C5: variants seen among roughly 807,000 people sequenced by gnomAD.
The protein encoded by C5 is C3 and PZP-like alpha-2-macroglobulin domain-containing protein 4.
C5 carries 140 observed loss-of-function variants against 218.8 expected under a neutral mutation model. The ratio of observed to expected loss-of-function variants is 0.64; its 90% CI spans 0.56 to 0.74. The LOEUF is 0.74. Ranked by LOEUF, C5 falls within the 30% of genes least tolerant of loss-of-function variation. C5 has a pLI of 0.00. For synonymous variants in C5, 614 were observed against 682.3 expected (o/e 0.90, Z 1.56); for missense variants, 1,700 against 1,969.6 (o/e 0.86, Z 2.59).
chr9:120,963,972 A>G (rs2046847541), intron 33 of C5, among the ~76,000 whole-genome samples: 1 of 152,208 alleles, frequency 6.6e-6, no homozygotes, highest in Admixed American at 6.5e-5. Context: ...GGAACACAGA[A>G]GTCATCCACA....
Position 121,050,200 on chromosome 9 carries a change from G to C in C5, c.47C>G (p.Thr16Ser), listed in dbSNP as rs1434582816. 2 of 1,613,808 alleles carry C rather than the reference G, an allele frequency of 1.2e-6. No homozygotes were observed. The highest frequency in any genetic ancestry group is 1.1e-5 in the South Asian group (1 of 91,070). The change falls in exon 1 of 41, where the codon ACC (threonine) becomes AGC (serine). Residue 16 changes from threonine (T) to serine (S), a missense_variant. Coordinates refer to ENST00000223642, the MANE Select transcript of C5 (RefSeq NM_001735.3). ...ILCFLIFLGKTWGQEQTYVIS... is the reference protein window; with the variant it reads ...ILCFLIFLGKSWGQEQTYVIS... ...TACTTACGTTTGCTCCTGTCCCCAG[G>C]TTTTCCCCAGGAAGATTAAAAAACA...
intron 30 of C5, among the ~76,000 whole-genome samples, chr9:120,973,985 A>G (rs1048331609): frequency 6.6e-6 from 1 of 151,916 alleles, no homozygotes; most frequent in African/African-American, 2.4e-5. Context: ...AAAAAAAAAA[A>G]TTATTTCTCA....
intron 4 of C5, 21 bp downstream of exon 4, chr9:121,037,860 T>C: frequency 8.8e-7 from 1 of 1,141,908 alleles, no homozygotes; most frequent in Non-Finnish European, 1.3e-6. Flanking sequence ...AAAGTATTAT[T>C]TAAATAAATA....
chr9:120,985,647 T>A (rs576105364), intron 25 of C5, among the ~76,000 whole-genome samples: 2 of 152,196 alleles, frequency 1.3e-5, no homozygotes, highest in African/African-American at 2.4e-5. Context: ...TATTTACCTA[T>A]ACTACTAGAT....
rs188142817 is a variant in C5, at chr9:120,997,330, C to T, written c.2790+217G>A. On this transcript the variant is annotated intron_variant, in intron 21 of 40. Transcript: ENST00000223642. ...GTTTTTCAGTATTTTATATTTTCTA[C>T]GAAACAAATATTGTTTTATTAAAAA... Among the ~76,000 whole-genome samples, 490 of 151,972 alleles carry T rather than the reference C, an allele frequency of 3.2e-3. 4 individuals are homozygous for T. Among genetic ancestry groups the T allele is most frequent in the Non-Finnish European group, 2.9e-3 (195 of 67,976 alleles).
intron 25 of C5, among the ~76,000 whole-genome samples, 197 bp from the exon 26 acceptor site, chr9:120,983,011 C>T (rs1353240925): frequency 6.6e-6 from 1 of 152,176 alleles, no homozygotes; most frequent in Admixed American, 6.5e-5. Flanking sequence ...GTGAACAGCA[C>T]ATCTTCTGTG....
the C5 span, among the ~76,000 whole-genome samples, chr9:121,072,133 G>A: frequency 2.0e-5 from 3 of 152,084 alleles, no homozygotes; most frequent in Non-Finnish European, 4.4e-5. Flanking sequence ...CACCAGCAGA[G>A]GTCTGTATGA....
In C5 at chr9:121,013,906, T is replaced by G; in HGVS notation, c.2224A>C (p.Ile742Leu). 5 of 1,614,170 alleles carry G rather than the reference T, an allele frequency of 3.1e-6. No individual in the cohort carries two copies. The highest frequency in any genetic ancestry group is 4.2e-6 in the Non-Finnish European group (5 of 1,180,030). ...CCCAATTGCATGTCTTTATGAGAGA[T>G]ATTAGCACGGAGCTGGCTTGCGACG... ...CVVASQLRANISHKDMQLGRL... is the reference protein window; with the variant it reads ...CVVASQLRANLSHKDMQLGRL... Residue 742 changes from isoleucine (I) to leucine (L), a missense_variant, in exon 17 of 41, where the codon ATC (isoleucine) becomes CTC (leucine). By Grantham distance (5) the Ile-to-Leu change is conservative. Transcript: ENST00000223642.
chr9:121,065,068 TAA>T, the C5 span, among the ~76,000 whole-genome samples: 2 of 68,424 alleles, frequency 2.9e-5, no homozygotes, highest in Non-Finnish European at 6.6e-5. Context: ...AGACTCCATC[TAA>T]AAAAATATAT....
intron 25 of C5, among the ~76,000 whole-genome samples, chr9:120,985,474 CACATGT>C (rs1425349034): frequency 6.6e-6 from 1 of 152,094 alleles, no homozygotes; most frequent in Non-Finnish European, 1.5e-5. Context: ...GAAACTCTCA[CACATGT>C]GCACAAAGAG....
At position 121,006,036 on chromosome 9, in the gene C5, G is replaced by C. The variant is rs376229247; in HGVS notation, c.2445C>G (p.Val815=). 6.2e-7 allele frequency: 1 copy of C among 1,613,662 alleles called. No homozygotes were observed. The highest frequency in any genetic ancestry group is 8.5e-7 in the Non-Finnish European group (1 of 1,179,766). ...AGACATCTTTGAACACCTTTGCCTT[G>C]ACAGTATCAGCAACACATATACCTT... The part of the protein sequence containing the change: ...SNTGICVADT[V]KAKVFKDVFL... The change falls in exon 20 of 41, where the codon GTC becomes GTG. Residue 815 remains valine, a synonymous_variant. Coordinates refer to ENST00000223642, the MANE Select transcript of C5 (RefSeq NM_001735.3).
chr9:120,997,176 T>A (rs964916463), intron 21 of C5, among the ~76,000 whole-genome samples: 1 of 152,066 alleles, frequency 6.6e-6, no homozygotes, highest in African/African-American at 2.4e-5. Context: ...ACACATTTTC[T>A]GAATGTATTA....
chr9:121,064,057 C>A, the C5 span, among the ~76,000 whole-genome samples: 6 of 151,720 alleles, frequency 4.0e-5, no homozygotes, highest in Non-Finnish European at 8.8e-5. Context: ...TGACCCCCAT[C>A]TCTTCCATTT....
At position 121,015,126 on chromosome 9, in the gene C5, TAA is replaced by T. The variant is rs1360631303; in HGVS notation, c.2059+71_2059+72del. 1.4e-5 allele frequency: 13 copies of T among 932,898 alleles called. No individual in the cohort carries two copies. In the East Asian group the frequency reaches 3.1e-4, roughly 22 times the overall value. The allele number at this position is 932,898 out of a possible 1,614,324, so 57.8% of individuals were successfully genotyped here. A position where few individuals can be genotyped will look rare whatever the true frequency, so the allele number is the denominator to read the frequency against. On this transcript the variant is annotated intron_variant, in intron 16 of 40. Transcript: ENST00000223642. Reference sequence around the variant, plus strand: ...TTTATTTCAATTAGGGGAATTTATATAACATTTAATTTTGTCCAGTTTTTGAA... The same window carrying T: ...TTTATTTCAATTAGGGGAATTTATATCATTTAATTTTGTCCAGTTTTTGAA...
chr9:120,962,907 G>C lies in C5; in HGVS notation c.4384C>G (p.Leu1462Val). The C allele has an allele frequency of 6.2e-7, 1 of 1,613,934 alleles. No individual in the cohort carries two copies. The highest frequency in any genetic ancestry group is 1.7e-5 in the Admixed American group (1 of 60,024). ...DYQIKDGHVI[L>V]QLNSIPSSDF... Reference sequence around the variant, plus strand: ...GTGGAGCTTACCGAATTCAGTTGCAGAATAACATGTCCATCTTTGATTTGG... The same window carrying C: ...GTGGAGCTTACCGAATTCAGTTGCACAATAACATGTCCATCTTTGATTTGG... Residue 1462 changes from leucine (L) to valine (V), a missense_variant, in exon 35 of 41, where the codon CTG (leucine) becomes GTG (valine). Physicochemically the swap from Leu to Val is conservative, Grantham distance 32. Transcript: ENST00000223642.
chr9:120,954,677 A>G (rs2046771932), intron 39 of C5, among the ~76,000 whole-genome samples: 1 of 152,246 alleles, frequency 6.6e-6, no homozygotes, highest in Admixed American at 6.5e-5. Flanking sequence ...CTATATATAC[A>G]GGGCTGATAT....
At chr9:121,068,444 G>A in the C5 span, among the ~76,000 whole-genome samples, 1 of 151,856 alleles carries the variant, frequency 6.6e-6, no homozygotes, top group East Asian at 1.9e-4. Context: ...CTGCTACAAG[G>A]AAAACTACAA....
At chr9:121,063,167 T>C in the C5 span, among the ~76,000 whole-genome samples, 1 of 151,150 alleles carries the variant, frequency 6.6e-6, no homozygotes, top group Admixed American at 6.6e-5. Context: ...GTTTGTGTTT[T>C]CTATGGCATA....
intron 17 of C5, among the ~76,000 whole-genome samples, chr9:121,012,903 AC>A (rs1468400039): frequency 6.6e-6 from 1 of 152,212 alleles, no homozygotes; most frequent in Non-Finnish European, 1.5e-5. Context: ...CAGAAAAAAT[AC>A]GGTATTATAA....
Sources: gnomAD v4.1 joint callset for allele counts (sites outside exome capture counted in the v4.1 genomes callset) on GRCh38, gnomAD v4.1.1 for gene constraint, MANE v1.5 for transcripts, NCBI Gene and HGNC (gene_info 2026-07-23, HGNC 2026-07-21) for gene names.